The following CNTN5 variants were observed in gnomAD, a reference collection of about 807,000 sequenced individuals.
The protein encoded by CNTN5 is contactin 5.
CNTN5 carries 77 observed loss-of-function variants against 129.1 expected under a neutral mutation model. That is an observed-to-expected ratio of 0.60 (90% CI 0.50 to 0.72). The LOEUF (loss-of-function observed/expected upper bound fraction) is 0.72, where lower values mean the gene tolerates loss of function less well. Among genes scored for constraint, CNTN5 ranks in the 30% least tolerant of loss-of-function variants. The pLI, the probability that CNTN5 is intolerant of heterozygous loss-of-function variation, is 0.00. For synonymous variants in CNTN5, 509 were observed against 465.6 expected (o/e 1.09, Z -1.20); for missense variants, 1,478 against 1,328.8 (o/e 1.11, Z -1.75).
At chr11:100,098,691 G>T (rs142680171) in intron 13 of CNTN5, among the ~76,000 whole-genome samples, 329 of 152,122 alleles carry the variant, frequency 2.2e-3, no homozygotes, top group African/African-American at 7.1e-3. Context: ...TTGCCCAGTA[G>T]CATTTTGGGC....
chr11:99,075,395 C>T (rs1865519055), intron 1 of CNTN5, among the ~76,000 whole-genome samples: 1 of 152,128 alleles, frequency 6.6e-6, no homozygotes, highest in Admixed American at 6.6e-5. Context: ...AAATACAAAT[C>T]GTGTAAATAC....
chr11:100,352,456 T>A (rs1342717057), intron 24 of CNTN5, among the ~76,000 whole-genome samples: 1 of 151,724 alleles, frequency 6.6e-6, no homozygotes. Flanking sequence ...ATATCTGCTA[T>A]CTGCAATTCA....
At chr11:100,277,663 GTTTT>G (rs532236702) in intron 18 of CNTN5, among the ~76,000 whole-genome samples, 156 of 151,650 alleles carry the variant, frequency 1.0e-3, no homozygotes, top group African/African-American at 3.6e-3. Flanking sequence ...TATGAATTGG[GTTTT>G]TTTTATTTTT....
intron 3 of CNTN5, among the ~76,000 whole-genome samples, chr11:99,738,143 A>G (rs1469587292): frequency 6.6e-6 from 1 of 152,168 alleles, no homozygotes; most frequent in African/African-American, 2.4e-5. Context: ...ATATGTTGAC[A>G]TCTTAACCCC....
intron 3 of CNTN5, among the ~76,000 whole-genome samples, chr11:99,696,222 G>A (rs975212400): frequency 7.2e-5 from 11 of 152,052 alleles, no homozygotes; most frequent in African/African-American, 2.4e-4. Flanking sequence ...TTAAAGATAT[G>A]TTTGCCACAA....
chr11:99,671,711 CA>C (rs1953052510), intron 3 of CNTN5, among the ~76,000 whole-genome samples: 1 of 151,986 alleles, frequency 6.6e-6, no homozygotes, highest in Non-Finnish European at 1.5e-5. Flanking sequence ...AAGTGTCCCA[CA>C]AAATTCTTCA....
intron 2 of CNTN5, among the ~76,000 whole-genome samples, chr11:99,497,142 A>AACTT (rs1946256353): frequency 6.6e-6 from 1 of 152,216 alleles, no homozygotes; most frequent in Non-Finnish European, 1.5e-5. Flanking sequence ...AAAAAGAAGT[A>AACTT]ACTTATACCA....
intron 15 of CNTN5, among the ~76,000 whole-genome samples, chr11:100,220,146 A>C (rs1036898123): frequency 6.6e-6 from 1 of 151,992 alleles, no homozygotes; most frequent in African/African-American, 2.4e-5. Context: ...GCGTGGTGGC[A>C]GGCACCTGTG....
At chr11:99,655,206 A>G (rs1481535530) in intron 3 of CNTN5, among the ~76,000 whole-genome samples, 11 of 152,134 alleles carry the variant, frequency 7.2e-5, no homozygotes, top group Admixed American at 6.6e-4. Flanking sequence ...CTGAAGGGAC[A>G]ATGAGTATCA....
At chr11:99,972,448 C>T (rs1340370136) in intron 8 of CNTN5, among the ~76,000 whole-genome samples, 1 of 152,140 alleles carries the variant, frequency 6.6e-6, no homozygotes, top group Non-Finnish European at 1.5e-5. Context: ...GCGCCTCAAC[C>T]TTACCAGGAT....
chr11:99,402,769 T>C (rs923303726), intron 2 of CNTN5, among the ~76,000 whole-genome samples: 6 of 152,032 alleles, frequency 3.9e-5, no homozygotes, highest in African/African-American at 1.4e-4. Context: ...TCTGTTCGGG[T>C]TTTGGATTTC....
At chr11:100,096,752 T>A (rs1264608258) in intron 13 of CNTN5, among the ~76,000 whole-genome samples, 2 of 152,102 alleles carry the variant, frequency 1.3e-5, no homozygotes, top group Non-Finnish European at 2.9e-5. Context: ...TACCAGCATA[T>A]TAGTCTGCTC....
intron 1 of CNTN5, among the ~76,000 whole-genome samples, chr11:99,106,800 C>A (rs1307856783): frequency 6.6e-6 from 1 of 152,002 alleles, no homozygotes; most frequent in East Asian, 1.9e-4. Context: ...AACACAGTAG[C>A]ACTGAGATTG....
intron 7 of CNTN5, among the ~76,000 whole-genome samples, chr11:99,955,171 T>G (rs1015379029): frequency 6.6e-6 from 1 of 150,734 alleles, no homozygotes; most frequent in South Asian, 2.1e-4. Context: ...CTAAAATAAA[T>G]ATATATTAAA....
intron 19 of CNTN5, among the ~76,000 whole-genome samples, chr11:100,298,891 G>C (rs1418107453): frequency 6.6e-6 from 1 of 150,766 alleles, no homozygotes; most frequent in Admixed American, 6.6e-5. Flanking sequence ...TGACTAATTG[G>C]AGCAAATTTG....
chr11:99,904,600 A>T (rs1949447401), intron 6 of CNTN5, among the ~76,000 whole-genome samples: 1 of 152,180 alleles, frequency 6.6e-6, no homozygotes. Context: ...TGCAGTAAAC[A>T]TACATGTACA....
intron 16 of CNTN5, among the ~76,000 whole-genome samples, chr11:100,230,566 C>T (rs1591416160): frequency 6.6e-6 from 1 of 152,220 alleles, no homozygotes; most frequent in South Asian, 2.1e-4. Context: ...TCTGACTGGC[C>T]AAAATGATTA....
intron 2 of CNTN5, among the ~76,000 whole-genome samples, chr11:99,508,877 C>T (rs1214721560): frequency 6.6e-6 from 1 of 151,964 alleles, no homozygotes; most frequent in Non-Finnish European, 1.5e-5. Flanking sequence ...GACGGGGTTT[C>T]ACCAGATTGG....
In CNTN5 at chr11:99,342,595, A is replaced by C. The variant is rs1259024855; in HGVS notation, c.-71+17111A>C. ...TCAAAAAAAAAAAAAAAAAAAAAAA[A>C]AAAAAAAGCAGGGCGTGGTGACACG... On this transcript the variant is annotated intron_variant, in intron 2 of 24. Transcript: ENST00000524871. Among the ~76,000 whole-genome samples the C allele has an allele frequency of 1.4e-4, 20 of 147,046 alleles. 1 individual carries two copies. Among genetic ancestry groups the C allele is most frequent in the Middle Eastern group, 3.5e-3 (1 of 286 alleles).
Sources: allele counts gnomAD v4.1 joint callset (sites outside exome capture counted in the v4.1 genomes callset), GRCh38; gene constraint gnomAD v4.1.1; transcripts MANE v1.5; gene names NCBI Gene and HGNC (gene_info 2026-07-23, HGNC 2026-07-21).